The following ROR1 variants were observed in gnomAD, a reference collection of about 807,000 sequenced individuals.
ROR1 encodes inactive tyrosine-protein kinase transmembrane receptor ROR1.
Under a neutral mutation model 78.8 loss-of-function variants are expected in ROR1, and 19 were observed. The observed-to-expected ratio is 0.24, with a 90% CI of 0.17 to 0.35. The LOEUF is 0.35. Among genes scored for constraint, ROR1 ranks in the 10% least tolerant of loss-of-function variants. ROR1 has a pLI of 1.00. For missense variants in ROR1, 917 were observed against 1,177.8 expected, an observed-to-expected ratio of 0.78 and a Z score of 3.24; for synonymous variants, 386 against 433.6, an observed-to-expected ratio of 0.89 and a Z score of 1.36.
rs772510314 is a variant in ROR1 at position 64,177,871 on chromosome 1, C to G, written c.1830C>G (p.Phe610Leu). 6.2e-7 allele frequency: 1 copy of G among 1,614,056 alleles called. No individual in the cohort carries two copies. The highest frequency in any genetic ancestry group is 1.3e-5 in the African/African-American group (1 of 74,926). ...AAGMEYLSSH[F>L]FVHKDLAARN... ...GCATGGAATACCTGTCTAGTCACTT[C>G]TTTGTCCACAAGGACCTTGCAGCTC... The change falls in exon 9 of 9, where the codon TTC becomes TTG. Residue 610 changes from phenylalanine (F) to leucine (L), a missense_variant. Physicochemically the swap from Phe to Leu is conservative, Grantham distance 22. Coordinates refer to ENST00000371079, the MANE Select transcript of ROR1 (RefSeq NM_005012.4).
intron 4 of ROR1, among the ~76,000 whole-genome samples, chr1:64,055,613 T>G (rs555041760): frequency 1.3e-5 from 2 of 152,330 alleles, no homozygotes; most frequent in East Asian, 3.9e-4. Flanking sequence ...AGGCAAAGGG[T>G]TCCATGCGTA....
chr1:64,144,754 A>G (rs1004219698), intron 7 of ROR1, among the ~76,000 whole-genome samples: 6 of 152,218 alleles, frequency 3.9e-5, no homozygotes, highest in African/African-American at 1.2e-4. Context: ...TCCACTAAGC[A>G]TACTCTCTCT....
chr1:63,825,948 T>A (rs553018326), intron 1 of ROR1, among the ~76,000 whole-genome samples: 19 of 152,178 alleles, frequency 1.2e-4, no homozygotes, highest in Middle Eastern at 6.8e-3. Context: ...AGTTCCCTCA[T>A]CTATAAGATC....
intron 4 of ROR1, among the ~76,000 whole-genome samples, chr1:64,051,178 G>A (rs1276124754): frequency 3.3e-5 from 5 of 152,072 alleles, no homozygotes; most frequent in Admixed American, 1.3e-4. Context: ...CTGGCTGGGC[G>A]CGGTGGCTCA....
At chr1:64,050,482 G>A (rs1646819833) in intron 3 of ROR1, among the ~76,000 whole-genome samples, 1 of 151,436 alleles carries the variant, frequency 6.6e-6, no homozygotes, top group Non-Finnish European at 1.5e-5. Context: ...CCTGAATTGT[G>A]AGACATAGAC....
rs367629674 is a variant in ROR1, at chr1:64,038,645, A to G, written c.164-11046A>G. ...TTTCTAGGGTTCTTTACCACCCTGA[A>G]CATACCCAGATCACACTTTATCATG... On this transcript the variant is annotated intron_variant, in intron 2 of 8. Coordinates refer to ENST00000371079, the MANE Select transcript of ROR1 (RefSeq NM_005012.4). Among the ~76,000 whole-genome samples the G allele has an allele frequency of 7.2e-5, 11 of 152,314 alleles. 1 individual carries two copies. The highest frequency in any genetic ancestry group is 1.4e-4 in the African/African-American group (6 of 41,570).
At position 64,137,509 on chromosome 1, in the gene ROR1, A is replaced by G. The variant is rs751983006; in HGVS notation, c.610+13A>G. The stretch of plus-strand genomic sequence containing the variant: ...AATCAGATCACAGGTAGGTAGCACC[A>G]ATGAAATTATATTTGTCCCTTGAAT... On this transcript the variant is annotated intron_variant, in intron 5 of 8. Coordinates refer to ENST00000371079, the MANE Select transcript of ROR1 (RefSeq NM_005012.4). The G allele has an allele frequency of 1.9e-5, 30 of 1,606,934 alleles. No individual in the cohort carries two copies. The highest frequency in any genetic ancestry group is 2.5e-5 in the Non-Finnish European group (29 of 1,176,810).
chr1:63,840,437 G>A (rs775442082), intron 1 of ROR1, among the ~76,000 whole-genome samples: 3 of 151,596 alleles, frequency 2.0e-5, no homozygotes, highest in Non-Finnish European at 2.9e-5. Flanking sequence ...ACGCCACCAC[G>A]CCTAGCTAAT....
At chr1:63,928,466 T>G (rs996164089) in intron 1 of ROR1, among the ~76,000 whole-genome samples, 1 of 152,202 alleles carries the variant, frequency 6.6e-6, no homozygotes, top group African/African-American at 2.4e-5. Context: ...GTGCCTCCTA[T>G]GCAGACGCAA....
chr1:64,077,452 G>C (rs1426848934), intron 4 of ROR1, among the ~76,000 whole-genome samples: 1 of 148,466 alleles, frequency 6.7e-6, no homozygotes, highest in Admixed American at 6.7e-5. Context: ...TGAAGGCAGA[G>C]GTGGAGCTGA....
chr1:64,069,755 C>T (rs1366813826), intron 4 of ROR1, among the ~76,000 whole-genome samples: 2 of 152,232 alleles, frequency 1.3e-5, no homozygotes, highest in Non-Finnish European at 2.9e-5. Context: ...GAGGCCACAA[C>T]TCCTGGCCCA....
chr1:64,079,576 A>G (rs745558297), intron 4 of ROR1, among the ~76,000 whole-genome samples: 2 of 151,840 alleles, frequency 1.3e-5, no homozygotes, highest in African/African-American at 2.4e-5. Context: ...GGTTCAAGCA[A>G]TTCTCCCACC....
intron 4 of ROR1, among the ~76,000 whole-genome samples, chr1:64,077,519 T>C (rs973499614): frequency 2.0e-5 from 3 of 152,246 alleles, no homozygotes; most frequent in Non-Finnish European, 2.9e-5. Flanking sequence ...CCCAAGGGCC[T>C]GCTTTGTGAG....
At chr1:63,975,920 T>C (rs1356392174) in intron 1 of ROR1, among the ~76,000 whole-genome samples, 1 of 152,186 alleles carries the variant, frequency 6.6e-6, no homozygotes, top group Non-Finnish European at 1.5e-5. Context: ...GAAGAGTAAA[T>C]CACGACTTTC....
intron 1 of ROR1, among the ~76,000 whole-genome samples, chr1:63,865,272 G>A (rs1029886811): frequency 6.6e-5 from 10 of 152,144 alleles, no homozygotes; most frequent in Admixed American, 5.2e-4. Context: ...ACATATCACA[G>A]TGGTCCCAGT....
intron 1 of ROR1, among the ~76,000 whole-genome samples, chr1:63,995,496 C>T (rs1025526903): frequency 2.0e-5 from 3 of 152,190 alleles, no homozygotes; most frequent in African/African-American, 7.2e-5. Flanking sequence ...TTCCTCCCTC[C>T]ATTTGTCTTT....
At chr1:63,776,403 C>T (rs1051269306) in intron 1 of ROR1, among the ~76,000 whole-genome samples, 3 of 152,228 alleles carry the variant, frequency 2.0e-5, no homozygotes, top group African/African-American at 7.2e-5. Flanking sequence ...ACTCCTCAGA[C>T]ACCCAGTGAG....
At chr1:64,007,798 A>G (rs951661560) in intron 1 of ROR1, among the ~76,000 whole-genome samples, 4 of 152,194 alleles carry the variant, frequency 2.6e-5, no homozygotes, top group Non-Finnish European at 5.9e-5. Context: ...TTACAGGAGC[A>G]ATGTTGTTCT....
At chr1:63,786,998 C>T (rs984871127) in intron 1 of ROR1, among the ~76,000 whole-genome samples, 4 of 152,178 alleles carry the variant, frequency 2.6e-5, no homozygotes, top group African/African-American at 9.7e-5. Context: ...GACTGATACA[C>T]CCCAAACGGT....
Sources: gnomAD v4.1 joint callset for allele counts (sites outside exome capture counted in the v4.1 genomes callset) on GRCh38, gnomAD v4.1.1 for gene constraint, MANE v1.5 for transcripts, NCBI Gene and HGNC (gene_info 2026-07-23, HGNC 2026-07-21) for gene names.